MYO16: variants seen among roughly 807,000 people sequenced by gnomAD.
MYO16 encodes the protein myosin XVI.
A neutral mutation model predicts 205.3 loss-of-function variants in MYO16; 94 were observed. That is an observed-to-expected ratio of 0.46 (90% confidence interval 0.39 to 0.54). The LOEUF (loss-of-function observed/expected upper bound fraction) is 0.54, where lower values mean the gene tolerates loss of function less well. Ranked by LOEUF, MYO16 falls within the 20% of genes least tolerant of loss-of-function variation. The pLI is 0.00. For synonymous variants in MYO16, 988 were observed against 954.0 expected, an observed-to-expected ratio of 1.04 and a Z score of -0.66; for missense variants, 2,315 against 2,387.5, an observed-to-expected ratio of 0.97 and a Z score of 0.63.
At chr13:109,191,405 T>C (rs751984061) in intron 34 of MYO16, among the ~76,000 whole-genome samples, 14 of 152,008 alleles carry the variant, frequency 9.2e-5, no homozygotes, top group Admixed American at 3.9e-4. Context: ...AAATATGTAA[T>C]ACACTAAAAG....
intron 10 of MYO16, among the ~76,000 whole-genome samples, chr13:108,850,291 C>T (rs1877787750): frequency 6.6e-6 from 1 of 152,198 alleles, no homozygotes; most frequent in Non-Finnish European, 1.5e-5. Context: ...CAAGCAAACG[C>T]AAGACAACAT....
chr13:108,781,032 T>C (rs1886284267), intron 4 of MYO16, among the ~76,000 whole-genome samples: 1 of 152,242 alleles, frequency 6.6e-6, no homozygotes, highest in Non-Finnish European at 1.5e-5. Context: ...TTTCTAAGTG[T>C]ACATCTCTTT....
chr13:108,882,274 C>T (rs1019459419), intron 12 of MYO16, among the ~76,000 whole-genome samples: 9 of 152,170 alleles, frequency 5.9e-5, no homozygotes, highest in Admixed American at 5.2e-4. Flanking sequence ...TTCAGGATTT[C>T]CCATTGTCTC....
intron 4 of MYO16, among the ~76,000 whole-genome samples, chr13:108,732,562 G>T (rs1281543119): frequency 6.6e-6 from 1 of 152,190 alleles, no homozygotes; most frequent in East Asian, 1.9e-4. Flanking sequence ...GACCAGCACA[G>T]CTGCAGTGAA....
chr13:108,745,694 A>G (rs1189348285), intron 4 of MYO16, among the ~76,000 whole-genome samples: 1 of 152,206 alleles, frequency 6.6e-6, no homozygotes, highest in Non-Finnish European at 1.5e-5. Flanking sequence ...AGATATAAAA[A>G]AAACATCAGA....
intron 16 of MYO16, among the ~76,000 whole-genome samples, chr13:108,952,325 G>A (rs182430924): frequency 6.6e-5 from 10 of 152,206 alleles, no homozygotes; most frequent in East Asian, 1.9e-4. Flanking sequence ...CGTCCCATCC[G>A]CCTTGCAGGA....
Position 109,057,556 on chromosome 13 carries a change from G to C in MYO16, c.3335+1961G>C, listed in dbSNP as rs146798458. On this transcript the variant is annotated intron_variant, in intron 27 of 34. Coordinates refer to ENST00000457511, the MANE Select transcript of MYO16 (RefSeq NM_001198950.3). ...CTATCACTGACTGTTGCAGGGCTTTGGGAAGGACGGCTCCTGACTCGTCTC... is the reference window on the plus strand; with the variant it reads ...CTATCACTGACTGTTGCAGGGCTTTCGGAAGGACGGCTCCTGACTCGTCTC... Among the ~76,000 whole-genome samples the C allele has an allele frequency of 2.5e-4, 38 of 152,124 alleles. No individual in the cohort carries two copies. The Middle Eastern group carries it at 0.014, about 54-fold the overall frequency.
chr13:108,866,959 A>G (rs1878752213), intron 12 of MYO16, among the ~76,000 whole-genome samples: 1 of 152,108 alleles, frequency 6.6e-6, no homozygotes, highest in African/African-American at 2.4e-5. Flanking sequence ...AAATTCCTCC[A>G]ACTTCCTAGG....
intron 28 of MYO16, among the ~76,000 whole-genome samples, chr13:109,101,110 T>C (rs545778326): frequency 6.6e-6 from 1 of 152,320 alleles, no homozygotes; most frequent in South Asian, 2.1e-4. Flanking sequence ...AGGCTCCCTT[T>C]ACAACATGAC....
chr13:109,018,431 C>T (rs982189180), intron 22 of MYO16, among the ~76,000 whole-genome samples: 1 of 152,190 alleles, frequency 6.6e-6, no homozygotes, highest in African/African-American at 2.4e-5. Context: ...CCAAGTTAGT[C>T]TACATGGGGG....
chr13:109,024,914 A>C (rs574857741), intron 23 of MYO16, among the ~76,000 whole-genome samples: 1 of 152,212 alleles, frequency 6.6e-6, no homozygotes, highest in South Asian at 2.1e-4. Context: ...TTTCAAAAAA[A>C]GCAGCAACAC....
At chr13:109,074,684 T>C (rs1162664635) in intron 27 of MYO16, among the ~76,000 whole-genome samples, 1 of 151,712 alleles carries the variant, frequency 6.6e-6, no homozygotes, top group Non-Finnish European at 1.5e-5. Context: ...GAGAACAGCG[T>C]GGGGGAACCA....
intron 20 of MYO16, among the ~76,000 whole-genome samples, chr13:108,991,853 T>A (rs1884843842): frequency 6.6e-6 from 1 of 152,350 alleles, no homozygotes; most frequent in East Asian, 1.9e-4. Context: ...GAAGCAAATA[T>A]TAAATCACCC....
At chr13:108,584,938 A>C in the MYO16 span, among the ~76,000 whole-genome samples, 1 of 152,254 alleles carries the variant, frequency 6.6e-6, no homozygotes, top group Non-Finnish European at 1.5e-5. Flanking sequence ...ACAAAGTTAG[A>C]AATTTAATGG....
At chr13:108,955,707 C>T (rs962499676) in intron 16 of MYO16, among the ~76,000 whole-genome samples, 5 of 152,034 alleles carry the variant, frequency 3.3e-5, no homozygotes, top group Admixed American at 1.3e-4. Flanking sequence ...AAAAATTAGC[C>T]GGGCACGGTG....
chr13:108,982,903 A>G (rs890302877), intron 20 of MYO16, among the ~76,000 whole-genome samples: 3 of 152,188 alleles, frequency 2.0e-5, no homozygotes, highest in African/African-American at 7.2e-5. Flanking sequence ...ACATCAGACC[A>G]ATCCATACAT....
chr13:108,734,558 G>A (rs1011874952), intron 4 of MYO16, among the ~76,000 whole-genome samples: 12 of 151,582 alleles, frequency 7.9e-5, no homozygotes, highest in African/African-American at 2.7e-4. Context: ...TAGAATAATC[G>A]GAAAGGGAAT....
chr13:108,538,169 TG>T, the MYO16 span, among the ~76,000 whole-genome samples: 1 of 152,078 alleles, frequency 6.6e-6, no homozygotes, highest in Non-Finnish European at 1.5e-5. Context: ...TATTTATGTA[TG>T]GGAGATAATT....
chr13:108,819,888 G>A (rs1875869360), intron 7 of MYO16, among the ~76,000 whole-genome samples: 2 of 152,100 alleles, frequency 1.3e-5, no homozygotes, highest in South Asian at 4.1e-4. Context: ...TATAGCTTAT[G>A]TACTTTCGGG....
Sources: gnomAD v4.1 joint callset for allele counts (sites outside exome capture counted in the v4.1 genomes callset) on GRCh38, gnomAD v4.1.1 for gene constraint, MANE v1.5 for transcripts, NCBI Gene and HGNC (gene_info 2026-07-23, HGNC 2026-07-21) for gene names.